CACNA1D: variants seen among roughly 807,000 people sequenced by gnomAD.
CACNA1D encodes voltage-dependent L-type calcium channel subunit alpha-1D.
Under a neutral mutation model 257.1 loss-of-function variants are expected in CACNA1D, and 55 were observed. The observed-to-expected ratio is 0.21, with a 90% CI of 0.17 to 0.27. The LOEUF is 0.27. CACNA1D is among the 10% of genes least tolerant of loss of function. CACNA1D has a pLI of 1.00. For synonymous variants in CACNA1D, 980 were observed against 1,014.9 expected (o/e 0.97, Z 0.65); for missense variants, 1,876 against 2,784.0 (o/e 0.67, Z 7.34).
intron 21 of CACNA1D, among the ~76,000 whole-genome samples, chr3:53,741,126 C>A (rs938937232): frequency 6.6e-6 from 1 of 152,098 alleles, no homozygotes; most frequent in South Asian, 2.1e-4. Flanking sequence ...CATGGGGAGC[C>A]CATTCCTTAT....
At chr3:53,642,153 A>G (rs138103569) in intron 3 of CACNA1D, among the ~76,000 whole-genome samples, 13 of 152,338 alleles carry the variant, frequency 8.5e-5, no homozygotes, top group South Asian at 2.1e-4. Context: ...CCTCAGGGCC[A>G]GGTGCCTGCT....
intron 12 of CACNA1D, among the ~76,000 whole-genome samples, chr3:53,722,707 T>C (rs997642672): frequency 1.3e-5 from 2 of 152,224 alleles, no homozygotes; most frequent in East Asian, 3.9e-4. Context: ...GTCCTAACCC[T>C]GAGCCAACCT....
chr3:53,542,092 A>G (rs1246268723), intron 3 of CACNA1D, among the ~76,000 whole-genome samples: 2 of 152,158 alleles, frequency 1.3e-5, no homozygotes, highest in Non-Finnish European at 2.9e-5. Flanking sequence ...GGTTGCATAT[A>G]TCTGTGAATA....
Position 53,800,751 on chromosome 3 carries a change from C to T in CACNA1D, c.5041-307C>T, listed in dbSNP as rs1229214136. 1.7e-5 allele frequency: 9 copies of T among 517,518 alleles called. No individual in the cohort carries two copies. Among genetic ancestry groups the T allele is most frequent in the African/African-American group, 1.7e-4 (9 of 52,168 alleles). 32.1% of individuals were successfully genotyped at this position (517,518 alleles called of 1,614,324 possible). A position where few individuals can be genotyped will look rare whatever the true frequency, so the allele number is the denominator to read the frequency against. On this transcript the variant is annotated intron_variant, in intron 41 of 47. Coordinates refer to ENST00000350061, the MANE Select transcript of CACNA1D (RefSeq NM_001128840.3). The surrounding 1 kb of genome is among the most constrained non-coding windows in gnomAD (Gnocchi z 4.3). ...CCCCAGCCCAGAGAGCATGCCCAAC[C>T]TTGGGGCCACCAGCCAGCCCAGCTG...
rs550815512 is a variant in CACNA1D, at chr3:53,801,265, G to A, written c.5248G>A (p.Val1750Ile). 6.2e-7 allele frequency: 1 copy of A among 1,614,080 alleles called. No individual in the cohort carries two copies. The highest frequency in any genetic ancestry group is 8.5e-7 in the Non-Finnish European group (1 of 1,179,996). ...TAACCATAATTCCATAGGAAAGCAA[G>A]TTCCCACCTCAACAAATGCCAATCT... Reference protein sequence around the residue: ...HHNHNSIGKQVPTSTNANLNN... With the variant: ...HHNHNSIGKQIPTSTNANLNN... Residue 1750 changes from valine (V) to isoleucine (I), a missense_variant, in exon 42 of 48, where the codon GTT becomes ATT. Physicochemically the swap from Val to Ile is conservative, Grantham distance 29 (BLOSUM62 3). This residue lies in a region of CACNA1D where 491 missense variants were observed against 554.3 expected (regional missense o/e 0.89). Transcript: ENST00000350061.
chr3:53,561,119 G>A (rs970805040), intron 3 of CACNA1D, among the ~76,000 whole-genome samples: 2 of 152,170 alleles, frequency 1.3e-5, no homozygotes, highest in Non-Finnish European at 2.9e-5. Context: ...GAGGCACAGA[G>A]AGGACTGCTA....
At chr3:53,686,622 T>C (rs182633488) in intron 8 of CACNA1D, among the ~76,000 whole-genome samples, 1 of 152,114 alleles carries the variant, frequency 6.6e-6, no homozygotes, top group East Asian at 1.9e-4. Flanking sequence ...CAATATTCTA[T>C]AATGATTTCT....
At chr3:53,547,329 C>A (rs1456903343) in intron 3 of CACNA1D, among the ~76,000 whole-genome samples, 1 of 152,128 alleles carries the variant, frequency 6.6e-6, no homozygotes, top group African/African-American at 2.4e-5. Flanking sequence ...ATGCTGCTAA[C>A]GAGGGCAACA....
At position 53,784,203 on chromosome 3, in the gene CACNA1D, T is replaced by C. The variant is rs147360244; in HGVS notation, c.4792+2536T>C. The stretch of plus-strand genomic sequence containing the variant: ...CATCTCTGCCTCTCAGCTCAGGTTC[T>C]CACCTCTGCTCTTCAGCCTTCCCGT... On this transcript the variant is annotated intron_variant, in intron 39 of 47. Transcript: ENST00000350061. 2.6e-4 allele frequency among the ~76,000 whole-genome samples: 39 copies of C among 152,320 alleles called. No individual in the cohort carries two copies. In the East Asian group the frequency reaches 6.0e-3, roughly 23 times the overall value.
At chr3:53,797,303 C>G (rs996142125) in intron 40 of CACNA1D, among the ~76,000 whole-genome samples, 3 of 152,176 alleles carry the variant, frequency 2.0e-5, no homozygotes, top group African/African-American at 7.2e-5. Flanking sequence ...TTGGGAACAT[C>G]TGTTTCCCTC....
At chr3:53,674,046 A>G in intron 8 of CACNA1D, 1 of 605,204 alleles carries the variant, frequency 1.7e-6, no homozygotes, top group Non-Finnish European at 3.0e-6. Flanking sequence ...CGTTCCCCCA[A>G]AGCCAGTTGT....
At chr3:53,636,046 A>G (rs1489990209) in intron 3 of CACNA1D, among the ~76,000 whole-genome samples, 3 of 152,180 alleles carry the variant, frequency 2.0e-5, no homozygotes, top group African/African-American at 4.8e-5. Flanking sequence ...CTCTGCATAC[A>G]GTTAGAAGCT....
intron 3 of CACNA1D, among the ~76,000 whole-genome samples, chr3:53,567,122 G>C (rs538372089): frequency 7.9e-5 from 12 of 152,286 alleles, no homozygotes; most frequent in East Asian, 3.9e-4. Context: ...GGTGAGAAAA[G>C]GGACCAGCCA....
intron 3 of CACNA1D, among the ~76,000 whole-genome samples, chr3:53,502,750 A>G (rs943283986): frequency 6.6e-6 from 1 of 152,112 alleles, no homozygotes; most frequent in African/African-American, 2.4e-5. Context: ...TTCTTTGATG[A>G]TTCAGAAGCC....
At chr3:53,753,145 G>A (rs113685852) in intron 28 of CACNA1D, among the ~76,000 whole-genome samples, 11 of 152,168 alleles carry the variant, frequency 7.2e-5, no homozygotes, top group African/African-American at 2.4e-4. Context: ...GTGTGCTGAC[G>A]TAGAAGAAAG....
intron 3 of CACNA1D, among the ~76,000 whole-genome samples, chr3:53,611,990 C>G (rs1018089339): frequency 6.6e-6 from 1 of 152,302 alleles, no homozygotes; most frequent in South Asian, 2.1e-4. Context: ...GAACTCTGGT[C>G]TAGTCCACTG....
At chr3:53,733,634 G>A (rs1237755152) in intron 19 of CACNA1D, among the ~76,000 whole-genome samples, 1 of 152,164 alleles carries the variant, frequency 6.6e-6, no homozygotes, top group Admixed American at 6.5e-5. Flanking sequence ...TTATTTACTA[G>A]CTAGTTTCTA....
chr3:53,709,752 C>A (rs1456700354), intron 9 of CACNA1D, among the ~76,000 whole-genome samples: 1 of 152,184 alleles, frequency 6.6e-6, no homozygotes, highest in African/African-American at 2.4e-5. Context: ...ATGGGAGAGT[C>A]GTAGTGATGA....
chr3:53,682,625 T>C (rs2094443515), intron 8 of CACNA1D, among the ~76,000 whole-genome samples: 1 of 151,890 alleles, frequency 6.6e-6, no homozygotes, highest in African/African-American at 2.4e-5. Flanking sequence ...GGTAGGCATA[T>C]GGGTGTTCAT....
Sources: allele counts gnomAD v4.1 joint callset (sites outside exome capture counted in the v4.1 genomes callset), GRCh38; gene constraint gnomAD v4.1.1; regional missense constraint gnomAD v4.1.1; non-coding constraint Gnocchi (gnomAD v3.1); transcripts MANE v1.5; gene names NCBI Gene and HGNC (gene_info 2026-07-23, HGNC 2026-07-21).